The following HIPK1 variants were observed in gnomAD, a reference collection of about 807,000 sequenced individuals.
The protein encoded by HIPK1 is homeodomain interacting protein kinase 1.
In HIPK1, 28 loss-of-function variants were observed where a neutral mutation model predicts 117.1. The observed-to-expected ratio is 0.24, with a 90% confidence interval of 0.18 to 0.33. The LOEUF (loss-of-function observed/expected upper bound fraction) is 0.33, where lower values mean the gene tolerates loss of function less well. Ranked by LOEUF, HIPK1 falls within the 10% of genes least tolerant of loss-of-function variation. The probability of loss-of-function intolerance (pLI) is 1.00; values close to 1 mark genes in which losing one functional copy is unlikely to be tolerated. For synonymous variants in HIPK1, 605 were observed against 562.5 expected (o/e 1.08, Z -1.07); for missense variants, 1,122 against 1,475.1 (o/e 0.76, Z 3.92).
intron 1 of HIPK1, among the ~76,000 whole-genome samples, chr1:113,934,222 A>G (rs1670103716): frequency 6.6e-6 from 1 of 152,248 alleles, no homozygotes; most frequent in African/African-American, 2.4e-5. Context: ...AGCAACAGGA[A>G]TTTATTACTG....
In HIPK1 at chr1:113,971,848, C is replaced by T. The variant is rs1175645966; in HGVS notation, c.3038C>T (p.Pro1013Leu). The change falls in exon 15 of 16, where the codon CCA becomes CTA. Residue 1013 changes from proline (P) to leucine (L), a missense_variant. Pro to Leu is a moderately conservative substitution (Grantham distance 98). Coordinates refer to ENST00000426820, the MANE Select transcript of HIPK1 (RefSeq NM_198268.3). ...GGTCTCCTGAGCAATAAGACTAAGCCAGTCGCTTCAGTGAGTGGGCAGTCA... is the reference window on the plus strand; with the variant it reads ...GGTCTCCTGAGCAATAAGACTAAGCTAGTCGCTTCAGTGAGTGGGCAGTCA... Reference protein sequence around the residue: ...ASGLLSNKTKPVASVSGQSSG... With the variant: ...ASGLLSNKTKLVASVSGQSSG... The T allele has an allele frequency of 6.3e-7, 1 of 1,598,430 alleles. No individual in the cohort carries two copies. Among genetic ancestry groups the T allele is most frequent in the Admixed American group, 1.8e-5 (1 of 55,008 alleles).
chr1:113,956,230 A>G (rs1182716907), intron 5 of HIPK1, among the ~76,000 whole-genome samples: 3 of 151,884 alleles, frequency 2.0e-5, no homozygotes, highest in South Asian at 4.2e-4. Context: ...ACGTGCCACC[A>G]TGCCCGGCTA....
At position 113,940,659 on chromosome 1, in the gene HIPK1, G is replaced by A. The variant is rs145171448; in HGVS notation, c.276G>A (p.Ser92=). Reference sequence around the variant, plus strand: ...TTGTTGTAACAGCCGCTGATAGCTCGGGCAGTGCTGCTACATCAACCTTCC... The same window carrying A: ...TTGTTGTAACAGCCGCTGATAGCTCAGGCAGTGCTGCTACATCAACCTTCC... ...EHIVVTAADS[S]GSAATSTFQS... The change falls in exon 2 of 16, where the codon TCG becomes TCA. Residue 92 remains serine (S), a synonymous_variant. Coordinates refer to ENST00000426820, the MANE Select transcript of HIPK1 (RefSeq NM_198268.3). 190 of 1,614,016 alleles carry A rather than the reference G, an allele frequency of 1.2e-4. 1 individual carries two copies. Among genetic ancestry groups the A allele is most frequent in the African/African-American group, 1.1e-4 (8 of 74,888 alleles).
rs1032172398 is a variant in HIPK1 at position 113,963,481 on chromosome 1, C to T, written c.2198C>T (p.Ala733Val). Residue 733 changes from alanine to valine, a missense_variant, in exon 10 of 16, where the codon GCC becomes GTC. Coordinates refer to ENST00000426820, the MANE Select transcript of HIPK1 (RefSeq NM_198268.3). ...GTGCCCTTTACTCTGAGCTGCGCAG[C>T]CGGCCGGCCGGCGCTGGTTGAACAG... ...YAVPFTLSCA[A>V]GRPALVEQTA... 1 of 1,614,016 alleles carries T rather than the reference C, an allele frequency of 6.2e-7. No homozygotes were observed. The highest frequency in any genetic ancestry group is 8.5e-7 in the Non-Finnish European group (1 of 1,179,942).
chr1:113,962,491 C>T, intron 9 of HIPK1, 53 bp downstream of exon 9: 2 of 1,562,844 alleles, frequency 1.3e-6, no homozygotes, highest in Middle Eastern at 1.7e-4. Flanking sequence ...TATTGAGATT[C>T]AGATATTTTG....
intron 2 of HIPK1, among the ~76,000 whole-genome samples, chr1:113,947,149 T>C (rs1388016373): frequency 6.6e-6 from 1 of 152,208 alleles, no homozygotes; most frequent in Non-Finnish European, 1.5e-5. Context: ...ATTTGCCAAC[T>C]TGCTGTGTCC....
chr1:113,958,985 ATTG>A (rs1009991909), intron 8 of HIPK1, among the ~76,000 whole-genome samples: 1 of 152,000 alleles, frequency 6.6e-6, no homozygotes, highest in African/African-American at 2.4e-5. Context: ...TAATTTTCAC[ATTG>A]TTGTTCTGTA....
chr1:113,972,134 G>C, intron 15 of HIPK1, 180 bp downstream of exon 15: 1 of 1,524,936 alleles, frequency 6.6e-7, no homozygotes, highest in Non-Finnish European at 8.8e-7. Context: ...CACTCTGTAA[G>C]TGTGTTCAGG....
intron 8 of HIPK1, among the ~76,000 whole-genome samples, chr1:113,959,619 C>CT (rs1671963526): frequency 6.6e-6 from 1 of 152,150 alleles, no homozygotes; most frequent in Admixed American, 6.5e-5. Flanking sequence ...AGCAGAAGAA[C>CT]TTTTGAGTTC....
At chr1:113,959,954 C>A (rs1671987373) in intron 8 of HIPK1, among the ~76,000 whole-genome samples, 1 of 152,088 alleles carries the variant, frequency 6.6e-6, no homozygotes, top group African/African-American at 2.4e-5. Flanking sequence ...AGCATGGTTC[C>A]TTCATATGCC....
intron 2 of HIPK1, among the ~76,000 whole-genome samples, chr1:113,947,373 C>T (rs945319630): frequency 6.6e-6 from 1 of 152,084 alleles, no homozygotes; most frequent in African/African-American, 2.4e-5. Flanking sequence ...TTGTTACTTA[C>T]GGAAGGAAAA....
Position 113,955,570 on chromosome 1 carries a change from A to G in HIPK1, c.1328A>G (p.Glu443Gly). The change falls in exon 5 of 16, where the codon GAA becomes GGA. Residue 443 changes from glutamate (E) to glycine (G), a missense_variant. This residue lies in a region of HIPK1 where 127 missense variants were observed against 197.9 expected (regional missense o/e 0.64). Coordinates refer to ENST00000426820, the MANE Select transcript of HIPK1 (RefSeq NM_198268.3). ...AAAATCTTTATTTTATAGACACCTG[A>G]AGAACATGAACTGGAGACTGGAATA... ...GYPLWRLKTP[E>G]EHELETGIKS... The G allele has an allele frequency of 6.4e-7, 1 of 1,570,810 alleles. No homozygotes were observed. Among genetic ancestry groups the G allele is most frequent in the Non-Finnish European group, 8.7e-7 (1 of 1,143,444 alleles).
At chr1:113,961,713 A>G (rs982722545) in intron 8 of HIPK1, among the ~76,000 whole-genome samples, 2 of 152,146 alleles carry the variant, frequency 1.3e-5, no homozygotes, top group East Asian at 1.9e-4. Flanking sequence ...TGGGAGGCCA[A>G]GATGGGCAGA....
Position 113,970,209 on chromosome 1 carries a change from C to T in HIPK1, c.3013+12C>T. 2 of 1,613,136 alleles carry T rather than the reference C, an allele frequency of 1.2e-6. No homozygotes were observed. Among genetic ancestry groups the T allele is most frequent in the East Asian group, 2.2e-5 (1 of 44,864 alleles). On this transcript the variant is annotated intron_variant, in intron 14 of 15. Coordinates refer to ENST00000426820, the MANE Select transcript of HIPK1 (RefSeq NM_198268.3). ...AACCCAGGCCTCAGGTCAGTGTTAT[C>T]TTCACAGCTTGAGTTGAATTCTCCT...
chr1:113,968,800 C>G, intron 13 of HIPK1, 152 bp downstream of exon 13: 1 of 651,396 alleles, frequency 1.5e-6, no homozygotes, highest in Non-Finnish European at 2.7e-6. Flanking sequence ...GCCAGCAGAT[C>G]ACCTGAGGTG....
chr1:113,933,846 G>A (rs1271320626), intron 1 of HIPK1, among the ~76,000 whole-genome samples: 1 of 152,090 alleles, frequency 6.6e-6, no homozygotes. Context: ...CTCCGGTCTG[G>A]GTGACAGAGT....
rs1015566218 is a variant in HIPK1 at position 113,976,164 on chromosome 1, G to A, written c.*2652G>A. The A allele has an allele frequency of 2.0e-5, 3 of 152,768 alleles. No homozygotes were observed. The highest frequency in any genetic ancestry group is 1.9e-4 in the East Asian group (1 of 5,332). 9.5% of individuals were successfully genotyped at this position (152,768 alleles called of 1,614,324 possible). ...CAAGATGGGGCAGGTAGTCCGTACA[G>A]CCTACCAGGAACATGTTGTGTTTTC... On this transcript the variant is annotated 3_prime_UTR_variant, in exon 16 of 16. Transcript: ENST00000426820.
rs1345822116 is a variant in HIPK1 at position 113,976,879 on chromosome 1, G to A, written c.*3367G>A. On this transcript the variant is annotated 3_prime_UTR_variant, in exon 16 of 16. Transcript: ENST00000426820. ...TTCCTTTCCGGGTGAGAGAAGAAGC[G>A]GAGAAGGGTTCAGTGTAGCCACTCT... The A allele has an allele frequency of 3.3e-5, 5 of 152,826 alleles. No homozygotes were observed. Among genetic ancestry groups the A allele is most frequent in the Admixed American group, 6.5e-5 (1 of 15,292 alleles). The allele number at this position is 152,826 out of a possible 1,614,324, so 9.5% of individuals were successfully genotyped here. A position where few individuals can be genotyped will look rare whatever the true frequency, so the allele number is the denominator to read the frequency against.
At chr1:113,933,681 A>G (rs909029290) in intron 1 of HIPK1, among the ~76,000 whole-genome samples, 2 of 152,126 alleles carry the variant, frequency 1.3e-5, no homozygotes, top group Non-Finnish European at 2.9e-5. Context: ...CCTGAGCAAC[A>G]TGGTGAAACC....
Sources: allele counts gnomAD v4.1 joint callset (sites outside exome capture counted in the v4.1 genomes callset), GRCh38; gene constraint gnomAD v4.1.1; regional missense constraint gnomAD v4.1.1; transcripts MANE v1.5; gene names NCBI Gene and HGNC (gene_info 2026-07-23, HGNC 2026-07-21).